The following ASIC2 variants were observed in gnomAD, a reference collection of about 807,000 sequenced individuals.
The protein encoded by ASIC2 is acid sensing ion channel subunit 2.
ASIC2 carries 25 observed loss-of-function variants against 57.3 expected under a neutral mutation model. The observed-to-expected ratio is 0.44, with a 90% confidence interval of 0.32 to 0.61. The LOEUF (loss-of-function observed/expected upper bound fraction) is 0.61. Ranked by LOEUF, ASIC2 falls within the 20% of genes least tolerant of loss-of-function variation. ASIC2 has a pLI of 0.06. For synonymous variants in ASIC2, 319 were observed against 307.5 expected (o/e 1.04, Z -0.39); for missense variants, 641 against 738.1 (o/e 0.87, Z 1.52).
chr17:34,006,945 CT>C (rs1298566039), intron 1 of ASIC2, among the ~76,000 whole-genome samples: 1 of 152,190 alleles, frequency 6.6e-6, no homozygotes, highest in Admixed American at 6.5e-5. Flanking sequence ...GCTAAAACGC[CT>C]GATCATCCAG....
intron 3 of ASIC2, among the ~76,000 whole-genome samples, chr17:33,086,582 T>C (rs1262201035): frequency 6.6e-6 from 1 of 152,214 alleles, no homozygotes; most frequent in Admixed American, 6.5e-5. Flanking sequence ...AGCCAGGCTC[T>C]TCTGAGCCCT....
chr17:33,685,590 C>G (rs1947246160), intron 1 of ASIC2, among the ~76,000 whole-genome samples: 1 of 152,206 alleles, frequency 6.6e-6, no homozygotes, highest in Non-Finnish European at 1.5e-5. Flanking sequence ...TCCTGGAAAA[C>G]AAGGAATGGG....
intron 1 of ASIC2, among the ~76,000 whole-genome samples, chr17:33,493,209 G>T (rs1047528128): frequency 4.6e-5 from 7 of 152,220 alleles, no homozygotes; most frequent in Non-Finnish European, 1.0e-4. Flanking sequence ...CAGCCACACC[G>T]AAGGCTGGGC....
At chr17:33,962,664 C>T (rs1308516773) in intron 1 of ASIC2, among the ~76,000 whole-genome samples, 1 of 152,148 alleles carries the variant, frequency 6.6e-6, no homozygotes, top group Non-Finnish European at 1.5e-5. Flanking sequence ...CTCAAATCAA[C>T]AGGATGCTCT....
At chr17:33,347,212 C>T (rs940598314) in intron 1 of ASIC2, among the ~76,000 whole-genome samples, 6 of 151,922 alleles carry the variant, frequency 3.9e-5, no homozygotes, top group African/African-American at 7.3e-5. Flanking sequence ...CATAGAGACA[C>T]GAGGAAAGGC....
Position 33,292,659 on chromosome 17 carries a change from C to T in ASIC2, c.-544G>A. Reference sequence around the variant, plus strand: ...CGGTGCTGGGACACGGGAGAGAAGGCGCCAAGGAACGAGCGCCCCCAGAGG... The same window carrying T: ...CGGTGCTGGGACACGGGAGAGAAGGTGCCAAGGAACGAGCGCCCCCAGAGG... On this transcript the variant is annotated 5_prime_UTR_variant, in exon 1 of 10. Coordinates refer to ENST00000225823, the MANE Select transcript of ASIC2 (RefSeq NM_183377.2). The T allele has an allele frequency of 1.0e-6, 1 of 985,694 alleles. No homozygotes were observed. Among genetic ancestry groups the T allele is most frequent in the African/African-American group, 1.7e-5 (1 of 57,384 alleles). The allele number at this position is 985,694 out of a possible 1,614,324, so 61.1% of individuals were successfully genotyped here.
intron 1 of ASIC2, among the ~76,000 whole-genome samples, chr17:33,945,638 CT>C (rs1318995901): frequency 6.6e-6 from 1 of 152,120 alleles, no homozygotes; most frequent in African/African-American, 2.4e-5. Context: ...CTGCATATGG[CT>C]TCTGTGTCAG....
chr17:33,596,151 C>CT (rs1378160358), intron 1 of ASIC2, among the ~76,000 whole-genome samples: 1 of 152,176 alleles, frequency 6.6e-6, no homozygotes, highest in East Asian at 1.9e-4. Flanking sequence ...CTTTTCACTG[C>CT]TCTAGCCAAC....
chr17:34,115,196 C>G (rs554744997), intron 1 of ASIC2, among the ~76,000 whole-genome samples: 1 of 152,316 alleles, frequency 6.6e-6, no homozygotes, highest in East Asian at 1.9e-4. Flanking sequence ...ATAGCACAGT[C>G]ATGTGCTACA....
chr17:33,264,772 G>A (rs995297993), intron 1 of ASIC2, among the ~76,000 whole-genome samples: 16 of 152,242 alleles, frequency 1.1e-4, no homozygotes, highest in Non-Finnish European at 1.8e-4. Flanking sequence ...CAGGGGTGAG[G>A]GTGCTGATAG....
At chr17:33,649,221 A>G (rs1256880138) in intron 1 of ASIC2, among the ~76,000 whole-genome samples, 1 of 152,284 alleles carries the variant, frequency 6.6e-6, no homozygotes, top group African/African-American at 2.4e-5. Flanking sequence ...GTTGCAAGAC[A>G]AGATCAATAT....
At chr17:33,173,258 C>T (rs1169387707) in intron 1 of ASIC2, among the ~76,000 whole-genome samples, 1 of 152,114 alleles carries the variant, frequency 6.6e-6, no homozygotes, top group Non-Finnish European at 1.5e-5. Context: ...CCTTAGACCA[C>T]CCCTGAGAGG....
At chr17:33,314,475 A>T (rs1485719658) in intron 1 of ASIC2, among the ~76,000 whole-genome samples, 2 of 152,164 alleles carry the variant, frequency 1.3e-5, no homozygotes, top group Non-Finnish European at 2.9e-5. Flanking sequence ...GGACAGGGAG[A>T]AAGTGAGATG....
At chr17:33,077,540 G>A (rs556031571) in intron 3 of ASIC2, among the ~76,000 whole-genome samples, 4 of 152,306 alleles carry the variant, frequency 2.6e-5, no homozygotes, top group Non-Finnish European at 5.9e-5. Flanking sequence ...ATTACTCAAA[G>A]AGGGAGAGAG....
chr17:33,015,879 A>G (rs2091802863), intron 9 of ASIC2, 92 bp downstream of exon 9: 1 of 1,377,744 alleles, frequency 7.3e-7, no homozygotes, highest in Admixed American at 1.7e-5. Flanking sequence ...GCAGTGAGTC[A>G]CATCTTTCCT....
chr17:34,051,910 C>A (rs1908583591), intron 1 of ASIC2, among the ~76,000 whole-genome samples: 1 of 148,750 alleles, frequency 6.7e-6, no homozygotes, highest in Non-Finnish European at 1.5e-5. Context: ...GAGTTTTTTC[C>A]TTCTGGTAGC....
At chr17:33,986,605 T>A (rs1312035479) in intron 1 of ASIC2, among the ~76,000 whole-genome samples, 1 of 152,136 alleles carries the variant, frequency 6.6e-6, no homozygotes. Context: ...AAGAACAATG[T>A]CATGGGAGGG....
At chr17:33,466,563 G>C (rs1370484968) in intron 1 of ASIC2, among the ~76,000 whole-genome samples, 1 of 152,120 alleles carries the variant, frequency 6.6e-6, no homozygotes, top group Admixed American at 6.5e-5. Context: ...AAAGAACAAA[G>C]CTGGAGGCAT....
intron 1 of ASIC2, among the ~76,000 whole-genome samples, chr17:33,307,667 C>T (rs1042693814): frequency 6.6e-6 from 1 of 152,232 alleles, no homozygotes; most frequent in African/African-American, 2.4e-5. Flanking sequence ...CTCTTCCTTG[C>T]TTCTGCAGAC....
Sources: gnomAD v4.1 joint callset for allele counts (sites outside exome capture counted in the v4.1 genomes callset) on GRCh38, gnomAD v4.1.1 for gene constraint, MANE v1.5 for transcripts, NCBI Gene and HGNC (gene_info 2026-07-23, HGNC 2026-07-21) for gene names.